BACE1: variants seen among roughly 807,000 people sequenced by gnomAD.
The protein encoded by BACE1 is APP beta-secretase.
A neutral mutation model predicts 54.0 loss-of-function variants in BACE1; 21 were observed. The observed-to-expected ratio is 0.39, with a 90% CI of 0.28 to 0.56. The LOEUF is 0.56. Ranked by LOEUF, BACE1 falls within the 20% of genes least tolerant of loss-of-function variation. BACE1 has a pLI of 0.63. For missense variants in BACE1, 511 were observed against 661.2 expected (o/e 0.77, Z 2.49); for synonymous variants, 232 against 260.9 (o/e 0.89, Z 1.07).
intron 1 of BACE1, among the ~76,000 whole-genome samples, chr11:117,307,887 C>T (rs745946150): frequency 3.9e-5 from 6 of 152,074 alleles, no homozygotes; most frequent in Admixed American, 6.6e-5. Flanking sequence ...CTTATGGAGC[C>T]GGGGTCTTGC....
chr11:117,313,322 G>A (rs2034997160), intron 1 of BACE1, among the ~76,000 whole-genome samples: 1 of 152,244 alleles, frequency 6.6e-6, no homozygotes, highest in Non-Finnish European at 1.5e-5. Context: ...AAGGAACGAG[G>A]AAGGAACTGA....
intron 1 of BACE1, among the ~76,000 whole-genome samples, chr11:117,310,561 C>T (rs2034922713): frequency 6.6e-6 from 1 of 152,108 alleles, no homozygotes. Flanking sequence ...GCTGGGATTA[C>T]AAGCGCCTGC....
At chr11:117,312,074 T>C (rs1027362715) in intron 1 of BACE1, among the ~76,000 whole-genome samples, 1 of 152,260 alleles carries the variant, frequency 6.6e-6, no homozygotes, top group African/African-American at 2.4e-5. Context: ...CATTTAAGCT[T>C]TATGGCTATT....
At chr11:117,313,595 C>T (rs767462314) in intron 1 of BACE1, among the ~76,000 whole-genome samples, 6 of 151,996 alleles carry the variant, frequency 3.9e-5, no homozygotes, top group African/African-American at 1.2e-4. Flanking sequence ...CCACCAGGCC[C>T]GGCGAATTAT....
chr11:117,310,337 T>C lies in BACE1; in HGVS notation c.261+5198A>G, dbSNP rs1015939847. Among the ~76,000 whole-genome samples, 6 of 152,254 alleles carry C rather than the reference T, an allele frequency of 3.9e-5. No homozygotes were observed. The South Asian group carries it at 1.2e-3, about 31-fold the overall frequency. On this transcript the variant is annotated intron_variant, in intron 1 of 8. Coordinates refer to ENST00000313005, the MANE Select transcript of BACE1 (RefSeq NM_012104.6). The stretch of plus-strand genomic sequence containing the variant: ...ATTCACTCAATGTTTTTTAGGTGTA[T>C]GTTCTGAGCTTGGTATTGTTATAGA...
chr11:117,308,637 A>G (rs1049987656), intron 1 of BACE1, among the ~76,000 whole-genome samples: 1 of 152,128 alleles, frequency 6.6e-6, no homozygotes, highest in African/African-American at 2.4e-5. Context: ...AATAATAAAC[A>G]TAAACTTTGG....
intron 2 of BACE1, among the ~76,000 whole-genome samples, chr11:117,296,535 G>A (rs949880819): frequency 1.3e-5 from 2 of 152,112 alleles, no homozygotes; most frequent in Non-Finnish European, 2.9e-5. Flanking sequence ...AGGGGATGTG[G>A]GGTTTTCGTC....
chr11:117,303,839 A>G (rs184281470), intron 1 of BACE1, among the ~76,000 whole-genome samples: 1 of 152,336 alleles, frequency 6.6e-6, no homozygotes, highest in Non-Finnish European at 1.5e-5. Context: ...CAAGGCTTTC[A>G]GCTAAAGTTG....
In BACE1 at chr11:117,315,637, C is replaced by A. The variant is rs1197891667; in HGVS notation, c.159G>T (p.Glu53Asp). 1.9e-6 allele frequency: 3 copies of A among 1,582,464 alleles called. No individual in the cohort carries two copies. The highest frequency in any genetic ancestry group is 2.8e-5 in the African/African-American group (2 of 71,742). ...LPRETDEEPEEPGRRGSFVEM... is the reference protein window; with the variant it reads ...LPRETDEEPEDPGRRGSFVEM... ...CCACAAAGCTGCCCCTCCGGCCGGGCTCCTCGGGCTCTTCGTCGGTCTCCC... is the reference window on the plus strand; with the variant it reads ...CCACAAAGCTGCCCCTCCGGCCGGGATCCTCGGGCTCTTCGTCGGTCTCCC... The change falls in exon 1 of 9, where the codon GAG (glutamate) becomes GAT (aspartate). Residue 53 changes from glutamate to aspartate, a missense_variant. Transcript: ENST00000313005. The surrounding 1 kb of genome is among the most constrained non-coding windows in gnomAD (Gnocchi z 5.5).
intron 8 of BACE1, 61 bp downstream of exon 8, chr11:117,290,425 CTG>C (rs1190835807): frequency 1.9e-6 from 3 of 1,575,442 alleles, no homozygotes; most frequent in East Asian, 2.2e-5. Context: ...GGTATACTAA[CTG>C]TTGTTTGACA....
Position 117,315,379 on chromosome 11 carries a change from G to A in BACE1, c.261+156C>T, listed in dbSNP as rs1471908518. Among the ~76,000 whole-genome samples, 1 of 152,094 alleles carries A rather than the reference G, an allele frequency of 6.6e-6. No homozygotes were observed. Among genetic ancestry groups the A allele is most frequent in the Non-Finnish European group, 1.5e-5 (1 of 67,990 alleles). On this transcript the variant is annotated intron_variant, in intron 1 of 8. Transcript: ENST00000313005. The surrounding 1 kb of genome is among the most constrained non-coding windows in gnomAD (Gnocchi z 5.5). ...GAATGGGGAGCTTGGGAACACTTCT[G>A]CCAACAACCACGTGACCCCCGGGGA...
At position 117,290,029 on chromosome 11, in the gene BACE1, G is replaced by A. The variant is rs576927825; in HGVS notation, c.1265-222C>T. ...CAGCCCTTCCTTGTATACCCAGCTGGTAGGAGTGATAACTAAAAGTCAGTA... is the reference window on the plus strand; with the variant it reads ...CAGCCCTTCCTTGTATACCCAGCTGATAGGAGTGATAACTAAAAGTCAGTA... On this transcript the variant is annotated intron_variant, in intron 8 of 8. Coordinates refer to ENST00000313005, the MANE Select transcript of BACE1 (RefSeq NM_012104.6). Among the ~76,000 whole-genome samples the A allele has an allele frequency of 2.0e-5, 3 of 152,242 alleles. No homozygotes were observed. The South Asian group carries it at 6.2e-4, about 32-fold the overall frequency.
intron 1 of BACE1, among the ~76,000 whole-genome samples, chr11:117,305,993 A>G (rs935226498): frequency 5.3e-5 from 8 of 152,146 alleles, no homozygotes; most frequent in African/African-American, 1.9e-4. Flanking sequence ...CCCAGATCGC[A>G]CCACTGCACT....
Position 117,304,750 on chromosome 11 carries a change from T to G in BACE1, c.262-7789A>C, listed in dbSNP as rs553226962. On this transcript the variant is annotated intron_variant, in intron 1 of 8. Coordinates refer to ENST00000313005, the MANE Select transcript of BACE1 (RefSeq NM_012104.6). Reference sequence around the variant, plus strand: ...GCAAATCCTCAGTAGCACCTGTGCTTCTTTGTCTACCACTCACACTTTTAA... The same window carrying G: ...GCAAATCCTCAGTAGCACCTGTGCTGCTTTGTCTACCACTCACACTTTTAA... Among the ~76,000 whole-genome samples the G allele has an allele frequency of 3.0e-4, 46 of 152,308 alleles. No homozygotes were observed. The South Asian group carries it at 7.2e-3, about 24-fold the overall frequency.
At position 117,290,498 on chromosome 11, in the gene BACE1, G is replaced by T. The variant is rs141126434; in HGVS notation, c.1254C>A (p.Ser418Arg). 1 of 1,613,934 alleles carries T rather than the reference G, an allele frequency of 6.2e-7. No homozygotes were observed. The highest frequency in any genetic ancestry group is 1.3e-5 in the African/African-American group (1 of 74,926). ...CCCTGGCACTCTCACCATGGCAAGC[G>T]CTGACAGCAAAGCCAATTCGTTTTC... is the stretch of plus-strand genomic sequence containing the variant. Reference protein sequence around the residue: ...RARKRIGFAVSACHVHDEFRT... With the variant: ...RARKRIGFAVRACHVHDEFRT... The change falls in exon 8 of 9, where the codon AGC becomes AGA. Residue 418 changes from serine to arginine, a missense_variant. This residue lies in a region of BACE1 where 407 missense variants were observed against 565.7 expected (regional missense o/e 0.72). Transcript: ENST00000313005.
intron 1 of BACE1, among the ~76,000 whole-genome samples, chr11:117,307,874 C>T (rs781177507): frequency 7.9e-5 from 12 of 152,110 alleles, no homozygotes; most frequent in African/African-American, 1.2e-4. Context: ...ACTGGGTAGG[C>T]AACTTATGGA....
intron 1 of BACE1, among the ~76,000 whole-genome samples, chr11:117,302,379 T>C (rs991007252): frequency 6.6e-6 from 1 of 151,932 alleles, no homozygotes; most frequent in African/African-American, 2.4e-5. Flanking sequence ...AAAAAACCCA[T>C]AAAGCTCTGC....
At position 117,315,771 on chromosome 11, in the gene BACE1, G is replaced by C; in HGVS notation, c.25C>G (p.Leu9Val). 1 of 1,456,280 alleles carries C rather than the reference G, an allele frequency of 6.9e-7. No homozygotes were observed. Among genetic ancestry groups the C allele is most frequent in the Non-Finnish European group, 9.0e-7 (1 of 1,110,778 alleles). The allele number at this position is 1,456,280 out of a possible 1,614,324, so 90.2% of individuals were successfully genotyped here. A position where few individuals can be genotyped will look rare whatever the true frequency, so the allele number is the denominator to read the frequency against. Reference protein sequence around the residue: MAQALPWLLLWMGAGVLPA... With the variant: MAQALPWLVLWMGAGVLPA... ...AGCACTCCCGCGCCCATCCACAGCA[G>C]GAGCCAGGGCAGGGCTTGGGCCATG... Residue 9 changes from leucine to valine, a missense_variant, in exon 1 of 9, where the codon CTG becomes GTG. Physicochemically the swap from Leu to Val is conservative, Grantham distance 32. Transcript: ENST00000313005. The surrounding 1 kb of genome is among the most constrained non-coding windows in gnomAD (Gnocchi z 5.5).
At position 117,315,855 on chromosome 11, in the gene BACE1, C is replaced by T. The variant is rs1391075979; in HGVS notation, c.-60G>A. The T allele has an allele frequency of 7.3e-7, 1 of 1,367,514 alleles. No individual in the cohort carries two copies. The highest frequency in any genetic ancestry group is 9.4e-7 in the Non-Finnish European group (1 of 1,067,670). The allele number at this position is 1,367,514 out of a possible 1,614,324, so 84.7% of individuals were successfully genotyped here. ...ACTGGCCCACGTCCGTCCCTGGCGCCTGCCCCCAAGTCTGGGTGGTGCTGG... is the reference window on the plus strand; with the variant it reads ...ACTGGCCCACGTCCGTCCCTGGCGCTTGCCCCCAAGTCTGGGTGGTGCTGG... On this transcript the variant is annotated 5_prime_UTR_variant, in exon 1 of 9. Transcript: ENST00000313005. The surrounding 1 kb of genome is among the most constrained non-coding windows in gnomAD (Gnocchi z 5.5).
Sources: gnomAD v4.1 joint callset for allele counts (sites outside exome capture counted in the v4.1 genomes callset) on GRCh38, gnomAD v4.1.1 for gene constraint, gnomAD v4.1.1 regional missense constraint, Gnocchi (gnomAD v3.1) non-coding constraint, MANE v1.5 for transcripts, NCBI Gene and HGNC (gene_info 2026-07-23, HGNC 2026-07-21) for gene names.